The following FAT1 variants were observed in gnomAD, a reference collection of about 807,000 sequenced individuals.
The protein encoded by FAT1 is protocadherin Fat 1.
FAT1 carries 171 observed loss-of-function variants against 329.8 expected under a neutral mutation model. The ratio of observed to expected loss-of-function variants is 0.52; its 90% CI spans 0.46 to 0.59. The LOEUF is 0.59. Among genes scored for constraint, FAT1 ranks in the 20% least tolerant of loss-of-function variants. The pLI, the probability that FAT1 is intolerant of heterozygous loss-of-function variation, is 0.00. For missense variants in FAT1, 5,672 were observed against 5,774.4 expected, an observed-to-expected ratio of 0.98 and a Z score of 0.57; for synonymous variants, 2,233 against 2,228.6, an observed-to-expected ratio of 1.00 and a Z score of -0.06.
intron 3 of FAT1, among the ~76,000 whole-genome samples, chr4:186,641,390 ATC>A (rs768752404): frequency 3.9e-5 from 6 of 152,184 alleles, no homozygotes; most frequent in Non-Finnish European, 4.4e-5. Context: ...TTTTAAGTTA[ATC>A]TCTTTTTTTC....
At chr4:186,669,072 C>A (rs1742606411) in intron 2 of FAT1, among the ~76,000 whole-genome samples, 1 of 152,166 alleles carries the variant, frequency 6.6e-6, no homozygotes, top group African/African-American at 2.4e-5. Context: ...CCTTTTTGGG[C>A]ACCTATGTAT....
At position 186,606,136 on chromosome 4, in the gene FAT1, G is replaced by A. The variant is rs769584191; in HGVS notation, c.10284C>T (p.Ile3428=). The change falls in exon 17 of 27, where the codon ATC becomes ATT. Residue 3428 remains isoleucine, a synonymous_variant. Transcript: ENST00000441802. ...PPRVNTTTVN[I]DVSDVNDNAP... ...CGTTGTCATTGACATCGGACACATC[G>A]ATGTTCACGGTCGTCGTGTTGACTC... 6.8e-6 allele frequency: 11 copies of A among 1,613,280 alleles called. No individual in the cohort carries two copies. The highest frequency in any genetic ancestry group is 2.2e-5 in the East Asian group (1 of 44,824).
chr4:186,665,292 C>G (rs1024781045), intron 2 of FAT1, among the ~76,000 whole-genome samples: 1 of 152,194 alleles, frequency 6.6e-6, no homozygotes, highest in Admixed American at 6.5e-5. Context: ...AATGGTTGAA[C>G]TAGTTTACAG....
rs1744774920 is a variant in FAT1, at chr4:186,708,658, C to T, written c.1170G>A (p.Lys390=). Residue 390 remains lysine (K), a synonymous_variant, in exon 2 of 27, where the codon AAG becomes AAA. Transcript: ENST00000441802. ...TCAAATGGGAATAAGCAGGAATGGC[C>T]TTTACCATGACCACAGGTGTGTTGG... ...APPNTPVVMV[K]AIPAYSHLRY... The T allele has an allele frequency of 1.2e-6, 2 of 1,613,864 alleles. No homozygotes were observed. The highest frequency in any genetic ancestry group is 2.2e-5 in the South Asian group (2 of 91,072).
chr4:186,600,570 G>A (rs1208847880), intron 21 of FAT1, among the ~76,000 whole-genome samples: 1 of 152,174 alleles, frequency 6.6e-6, no homozygotes, highest in Non-Finnish European at 1.5e-5. Flanking sequence ...CATCCACAAA[G>A]CATCATGGAA....
intron 9 of FAT1, among the ~76,000 whole-genome samples, chr4:186,625,140 T>C (rs528552449): frequency 2.0e-5 from 3 of 152,350 alleles, no homozygotes; most frequent in Non-Finnish European, 4.4e-5. Context: ...ACCACCCAGT[T>C]GTTGACAATT....
At position 186,682,526 on chromosome 4, in the gene FAT1, C is replaced by CAAAAAAAAAAAAAAAAAAAAAAAAA. The variant is rs10561120; in HGVS notation, c.3266-18914_3266-18913insTTTTTTTTTTTTTTTTTTTTTTTTT. Among the ~76,000 whole-genome samples, 31 of 119,698 alleles carry CAAAAAAAAAAAAAAAAAAAAAAAAA rather than the reference C, an allele frequency of 2.6e-4. 1 individual carries two copies. Among genetic ancestry groups the CAAAAAAAAAAAAAAAAAAAAAAAAA allele is most frequent in the African/African-American group, 1.0e-3 (26 of 25,360 alleles). The allele number at this position is 119,698 out of a possible 152,430, so 78.5% of individuals were successfully genotyped here. ...TGAGTGAAAGAGCGAGACTCTGTCT[C>CAAAAAAAAAAAAAAAAAAAAAAAAA]AAAAAAAAAAAAAAAAAAGAAAGTT... On this transcript the variant is annotated intron_variant, in intron 2 of 26. Coordinates refer to ENST00000441802, the MANE Select transcript of FAT1 (RefSeq NM_005245.4).
intron 12 of FAT1, among the ~76,000 whole-genome samples, chr4:186,613,947 G>T (rs906040827): frequency 5.3e-5 from 8 of 151,894 alleles, no homozygotes; most frequent in Non-Finnish European, 1.2e-4. Flanking sequence ...TGGTATAAAC[G>T]CCTTCTAAAT....
At position 186,613,214 on chromosome 4, in the gene FAT1, C is replaced by T. The variant is rs746965574; in HGVS notation, c.9358G>A (p.Asp3120Asn). 9.3e-6 allele frequency: 15 copies of T among 1,613,762 alleles called. No individual in the cohort carries two copies. In the Admixed American group the frequency reaches 1.5e-4, roughly 16 times the overall value. ...TCGGCAGAGAATTCGGGGGCGTTAT[C>T]GTTCACATCTTCTAGCGTGAGCACA... ...SIVLTLEDVNDNAPEFSADPY... is the reference protein window; with the variant it reads ...SIVLTLEDVNNNAPEFSADPY... Residue 3120 changes from aspartate (D) to asparagine (N), a missense_variant, in exon 13 of 27, where the codon GAT becomes AAT. By Grantham distance (23) the Asp-to-Asn change is conservative. Coordinates refer to ENST00000441802, the MANE Select transcript of FAT1 (RefSeq NM_005245.4).
chr4:186,698,548 T>C (rs1744144240), intron 2 of FAT1, among the ~76,000 whole-genome samples: 3 of 152,214 alleles, frequency 2.0e-5, no homozygotes, highest in Admixed American at 2.0e-4. Flanking sequence ...AAGAGGGCTG[T>C]CAAGAAAGCT....
intron 26 of FAT1, among the ~76,000 whole-genome samples, chr4:186,593,263 T>G (rs1738328925): frequency 1.3e-5 from 2 of 152,352 alleles, no homozygotes; most frequent in South Asian, 4.1e-4. Context: ...CTCGTCTGTT[T>G]GCAGATGGAC....
At chr4:186,694,417 GA>G (rs1311936006) in intron 2 of FAT1, among the ~76,000 whole-genome samples, 2 of 152,198 alleles carry the variant, frequency 1.3e-5, no homozygotes, top group Non-Finnish European at 2.9e-5. Flanking sequence ...CTATTTATAT[GA>G]GTGGAAGGTT....
At chr4:186,657,142 C>G (rs1039953030) in intron 3 of FAT1, among the ~76,000 whole-genome samples, 2 of 152,116 alleles carry the variant, frequency 1.3e-5, no homozygotes, top group Non-Finnish European at 2.9e-5. Context: ...ATGTGATGTC[C>G]AAGAGAAATG....
chr4:186,609,468 G>C, intron 15 of FAT1, 148 bp from the exon 16 acceptor site: 2 of 968,182 alleles, frequency 2.1e-6, no homozygotes, highest in Non-Finnish European at 3.0e-6. Context: ...TCAGGCTGGA[G>C]TGCAGTGGCA....
At chr4:186,725,043 C>G (rs1030364357), upstream of FAT1, among the ~76,000 whole-genome samples, 19 of 152,126 alleles carry the variant, frequency 1.2e-4, no homozygotes, top group African/African-American at 4.1e-4. This position sits in a 1 kb window ranked among gnomAD's most constrained non-coding sequence, Gnocchi z 5.4. Flanking sequence ...AAAATAATGC[C>G]TGCAAGATGA....
chr4:186,646,004 C>CACACACACACACACACACAT (rs1491403367), intron 3 of FAT1, among the ~76,000 whole-genome samples: 13 of 135,020 alleles, frequency 9.6e-5, no homozygotes, highest in African/African-American at 3.7e-4. Flanking sequence ...CACACACACA[C>CACACACACACACACACACAT]ATGAAAGATG....
intron 3 of FAT1, among the ~76,000 whole-genome samples, chr4:186,645,379 A>G (rs1188151343): frequency 3.2e-5 from 1 of 31,306 alleles, no homozygotes; most frequent in Non-Finnish European, 6.0e-5. Flanking sequence ...ATATATATAT[A>G]TATATATATA....
chr4:186,637,173 A>G (rs1484905818), intron 4 of FAT1, among the ~76,000 whole-genome samples: 1 of 152,136 alleles, frequency 6.6e-6, no homozygotes, highest in Non-Finnish European at 1.5e-5. Context: ...CTTCCTGACC[A>G]CGCAGGCTCT....
chr4:186,621,833 T>C, intron 9 of FAT1, 58 bp from the exon 10 acceptor site: 3 of 1,054,976 alleles, frequency 2.8e-6, no homozygotes, highest in Non-Finnish European at 1.3e-6. Flanking sequence ...GTAGTAGTAG[T>C]AGTTAGAGAA....
Sources: gnomAD v4.1 joint callset for allele counts (sites outside exome capture counted in the v4.1 genomes callset) on GRCh38, gnomAD v4.1.1 for gene constraint, Gnocchi (gnomAD v3.1) non-coding constraint, MANE v1.5 for transcripts, NCBI Gene and HGNC (gene_info 2026-07-23, HGNC 2026-07-21) for gene names.